Variants in AGBL4 observed in about 807,000 individuals in gnomAD.
AGBL4 encodes cytosolic carboxypeptidase 6.
Under a neutral mutation model 66.4 loss-of-function variants are expected in AGBL4, and 58 were observed. The ratio of observed to expected loss-of-function variants is 0.87; its 90% CI spans 0.71 to 1.09. AGBL4 has a LOEUF of 1.09. Ranked by LOEUF, AGBL4 falls within the 50% of genes least tolerant of loss-of-function variation. The pLI, the probability that AGBL4 is intolerant of heterozygous loss-of-function variation, is 0.00. For missense variants in AGBL4, 579 were observed against 631.0 expected (o/e 0.92, Z 0.88); for synonymous variants, 234 against 222.9 (o/e 1.05, Z -0.44).
At chr1:49,388,261 C>T (rs1353415734) in intron 3 of AGBL4, among the ~76,000 whole-genome samples, 5 of 152,074 alleles carry the variant, frequency 3.3e-5, no homozygotes, top group African/African-American at 7.2e-5. Context: ...GGCTTATAGG[C>T]CATAGAGTGT....
chr1:49,249,502 A>G (rs1440061298), intron 3 of AGBL4, among the ~76,000 whole-genome samples: 1 of 152,234 alleles, frequency 6.6e-6, no homozygotes, highest in Non-Finnish European at 1.5e-5. Flanking sequence ...AAAAATGCAA[A>G]TCAAAACCAC....
chr1:49,571,689 A>G (rs1281276477), intron 3 of AGBL4, among the ~76,000 whole-genome samples: 1 of 152,052 alleles, frequency 6.6e-6, no homozygotes, highest in Non-Finnish European at 1.5e-5. Flanking sequence ...CTCTTTCAGT[A>G]CCATGTTAGT....
intron 3 of AGBL4, among the ~76,000 whole-genome samples, chr1:49,608,878 T>C (rs1462011983): frequency 6.6e-6 from 1 of 152,212 alleles, no homozygotes; most frequent in Non-Finnish European, 1.5e-5. Flanking sequence ...AATGTATAAT[T>C]GTATCACAAG....
At chr1:49,790,105 A>C (rs2147925808) in intron 2 of AGBL4, among the ~76,000 whole-genome samples, 1 of 152,242 alleles carries the variant, frequency 6.6e-6, no homozygotes, top group East Asian at 1.9e-4. Flanking sequence ...AAGGCCAGGC[A>C]CGGTGGCTCA....
At chr1:49,380,374 G>A (rs1644574054) in intron 3 of AGBL4, among the ~76,000 whole-genome samples, 1 of 152,156 alleles carries the variant, frequency 6.6e-6, no homozygotes, top group Admixed American at 6.5e-5. Flanking sequence ...AACATTCCAT[G>A]CTCATGGGTA....
chr1:49,071,395 C>T (rs1186848000), intron 4 of AGBL4, among the ~76,000 whole-genome samples: 1 of 151,910 alleles, frequency 6.6e-6, no homozygotes, highest in Non-Finnish European at 1.5e-5. Context: ...CTATAAATTT[C>T]CCTCTACACA....
At chr1:49,499,618 T>C (rs999366581) in intron 3 of AGBL4, among the ~76,000 whole-genome samples, 1 of 151,878 alleles carries the variant, frequency 6.6e-6, no homozygotes, top group African/African-American at 2.4e-5. Flanking sequence ...TGATATCTGG[T>C]TTTCCATTAT....
intron 2 of AGBL4, among the ~76,000 whole-genome samples, chr1:49,804,142 T>C (rs945631488): frequency 1.3e-5 from 2 of 152,208 alleles, no homozygotes; most frequent in African/African-American, 4.8e-5. Context: ...AATTCTTTTA[T>C]ATTAAAGTAT....
intron 4 of AGBL4, among the ~76,000 whole-genome samples, chr1:49,176,680 A>G (rs145842533): frequency 1.3e-5 from 2 of 152,260 alleles, no homozygotes; most frequent in East Asian, 3.9e-4. Flanking sequence ...CTCAAGATAA[A>G]TTCATAAATT....
At chr1:49,692,045 A>C (rs1646898198) in intron 3 of AGBL4, among the ~76,000 whole-genome samples, 1 of 152,140 alleles carries the variant, frequency 6.6e-6, no homozygotes, top group African/African-American at 2.4e-5. Context: ...AACACAGGAA[A>C]GACCTGCCCC....
intron 6 of AGBL4, among the ~76,000 whole-genome samples, chr1:48,755,009 TG>T (rs1169844136): frequency 6.6e-6 from 1 of 152,198 alleles, no homozygotes; most frequent in Non-Finnish European, 1.5e-5. Flanking sequence ...CATGCCTCCA[TG>T]TTGGAATACT....
intron 3 of AGBL4, among the ~76,000 whole-genome samples, chr1:49,593,045 A>G (rs910964428): frequency 6.6e-6 from 1 of 152,196 alleles, no homozygotes; most frequent in African/African-American, 2.4e-5. Flanking sequence ...ATCCTTACAG[A>G]TTATACTTGC....
chr1:48,675,760 A>G (rs1646354802), intron 6 of AGBL4, among the ~76,000 whole-genome samples: 1 of 152,170 alleles, frequency 6.6e-6, no homozygotes, highest in Non-Finnish European at 1.5e-5. Flanking sequence ...AATTAATGTC[A>G]CCATTTACAA....
intron 3 of AGBL4, among the ~76,000 whole-genome samples, chr1:49,502,860 T>C (rs1243723013): frequency 6.6e-6 from 1 of 152,072 alleles, no homozygotes; most frequent in African/African-American, 2.4e-5. Context: ...TGACAGAGCA[T>C]AAAAATTTGG....
chr1:48,931,523 T>C (rs111645711), intron 5 of AGBL4, among the ~76,000 whole-genome samples: 55 of 152,234 alleles, frequency 3.6e-4, no homozygotes, highest in African/African-American at 1.2e-3. Flanking sequence ...TTTCTCTTTC[T>C]CTCTCTTTTT....
chr1:49,317,048 T>A (rs1645051144), intron 3 of AGBL4, among the ~76,000 whole-genome samples: 1 of 151,980 alleles, frequency 6.6e-6, no homozygotes, highest in Non-Finnish European at 1.5e-5. Flanking sequence ...TTTTTGTCTC[T>A]ATATATCTCT....
intron 4 of AGBL4, among the ~76,000 whole-genome samples, chr1:49,075,024 A>T (rs1233944748): frequency 2.0e-5 from 3 of 152,216 alleles, no homozygotes; most frequent in Non-Finnish European, 4.4e-5. Flanking sequence ...ATTTGATTTA[A>T]ATGAAACACT....
At chr1:49,939,939 C>T (rs1311602922) in intron 1 of AGBL4, among the ~76,000 whole-genome samples, 9 of 152,188 alleles carry the variant, frequency 5.9e-5, no homozygotes, top group South Asian at 2.1e-4. Flanking sequence ...AGAAAATTTT[C>T]GTAACCTACT....
chr1:49,121,293 G>A (rs1303920651), intron 4 of AGBL4, among the ~76,000 whole-genome samples: 1 of 152,126 alleles, frequency 6.6e-6, no homozygotes, highest in African/African-American at 2.4e-5. Context: ...AGGCACTCTG[G>A]TTTGTAGAAT....
Sources: gnomAD v4.1 joint callset for allele counts (sites outside exome capture counted in the v4.1 genomes callset) on GRCh38, gnomAD v4.1.1 for gene constraint, MANE v1.5 for transcripts, NCBI Gene and HGNC (gene_info 2026-07-23, HGNC 2026-07-21) for gene names.